The following KCNMB2 variants were observed in gnomAD, a reference collection of about 807,000 sequenced individuals.
KCNMB2 encodes calcium-activated potassium channel subunit beta-2.
A neutral mutation model predicts 24.5 loss-of-function variants in KCNMB2; 9 were observed. That is an observed-to-expected ratio of 0.37 (90% CI 0.22 to 0.64). The LOEUF is 0.64. KCNMB2 is among the 30% of genes least tolerant of loss of function. KCNMB2 has a pLI of 0.63. For missense variants in KCNMB2, 226 were observed against 284.3 expected, an observed-to-expected ratio of 0.79 and a Z score of 1.47; for synonymous variants, 109 against 104.4, an observed-to-expected ratio of 1.04 and a Z score of -0.27.
At chr3:178,670,385 G>A (rs1018587380) in intron 1 of KCNMB2, among the ~76,000 whole-genome samples, 2 of 149,892 alleles carry the variant, frequency 1.3e-5, no homozygotes, top group African/African-American at 5.0e-5. Context: ...AGAAGCAAAT[G>A]ATATTAAAAC....
At chr3:178,614,266 T>TAC (rs1718607911) in intron 1 of KCNMB2, among the ~76,000 whole-genome samples, 2 of 73,358 alleles carry the variant, frequency 2.7e-5, no homozygotes, top group Non-Finnish European at 5.2e-5. Flanking sequence ...TATATATATA[T>TAC]ATATATATAT....
At chr3:178,633,315 C>G (rs139252203) in intron 1 of KCNMB2, among the ~76,000 whole-genome samples, 1 of 152,198 alleles carries the variant, frequency 6.6e-6, no homozygotes, top group African/African-American at 2.4e-5. Context: ...ACTGCCCTCA[C>G]GGAGGTTCTC....
At chr3:178,731,928 A>G (rs1370899086) in intron 1 of KCNMB2, among the ~76,000 whole-genome samples, 4 of 152,156 alleles carry the variant, frequency 2.6e-5, no homozygotes, top group Non-Finnish European at 5.9e-5. Flanking sequence ...AATCTGATTA[A>G]GCCTGTAGAT....
chr3:178,745,970 C>G (rs1166079212), intron 1 of KCNMB2, among the ~76,000 whole-genome samples: 2 of 152,228 alleles, frequency 1.3e-5, no homozygotes, highest in African/African-American at 4.8e-5. Context: ...GTATCTGTGA[C>G]TTTTCCAGGT....
intron 1 of KCNMB2, among the ~76,000 whole-genome samples, chr3:178,682,056 T>C (rs1459746982): frequency 6.6e-6 from 1 of 152,210 alleles, no homozygotes; most frequent in Non-Finnish European, 1.5e-5. Flanking sequence ...TACAGTTTTC[T>C]AAATGTTCCC....
rs141294594 is a variant in KCNMB2 at position 178,619,462 on chromosome 3, A to G, written c.-68+82751A>G. ...TGAAATTATCAAAGATTTACAGACTATAAATACCAAGAGGATTAAAATGCT... is the reference window on the plus strand; with the variant it reads ...TGAAATTATCAAAGATTTACAGACTGTAAATACCAAGAGGATTAAAATGCT... On this transcript the variant is annotated intron_variant, in intron 1 of 4. Coordinates refer to ENST00000452583, the MANE Select transcript of KCNMB2 (RefSeq NM_181361.3). 2.2e-3 allele frequency among the ~76,000 whole-genome samples: 336 copies of G among 152,318 alleles called. 2 individuals are homozygous for G. Among genetic ancestry groups the G allele is most frequent in the Non-Finnish European group, 7.9e-4 (54 of 68,022 alleles).
At chr3:178,669,028 T>A (rs1720812987) in intron 1 of KCNMB2, among the ~76,000 whole-genome samples, 1 of 152,072 alleles carries the variant, frequency 6.6e-6, no homozygotes, top group African/African-American at 2.4e-5. Context: ...CTGCTTCTTA[T>A]GAGAAGAGAG....
chr3:178,801,173 A>G (rs1713761227), intron 1 of KCNMB2, among the ~76,000 whole-genome samples: 1 of 152,178 alleles, frequency 6.6e-6, no homozygotes, highest in African/African-American at 2.4e-5. Flanking sequence ...AAATAACTAA[A>G]AGAGTAATAA....
intron 1 of KCNMB2, among the ~76,000 whole-genome samples, chr3:178,723,141 T>A (rs1381705638): frequency 1.3e-5 from 2 of 152,138 alleles, no homozygotes; most frequent in African/African-American, 4.8e-5. Flanking sequence ...ATCAGTAATA[T>A]AATAATATAA....
intron 1 of KCNMB2, among the ~76,000 whole-genome samples, chr3:178,772,686 T>A (rs947830580): frequency 6.6e-6 from 1 of 152,236 alleles, no homozygotes; most frequent in Non-Finnish European, 1.5e-5. Context: ...CATACACTGC[T>A]AAATTTCCTA....
chr3:178,839,831 A>G (rs1715363277), intron 4 of KCNMB2, among the ~76,000 whole-genome samples: 1 of 152,116 alleles, frequency 6.6e-6, no homozygotes, highest in Non-Finnish European at 1.5e-5. Context: ...TTGAGATGAG[A>G]CTTGGGTGGA....
intron 1 of KCNMB2, among the ~76,000 whole-genome samples, chr3:178,547,296 G>T (rs1215265656): frequency 6.6e-6 from 1 of 152,142 alleles, no homozygotes; most frequent in Non-Finnish European, 1.5e-5. Flanking sequence ...AAATTACTCA[G>T]TCTCAGGTAT....
At chr3:178,742,795 T>G (rs950041405) in intron 1 of KCNMB2, among the ~76,000 whole-genome samples, 1 of 152,128 alleles carries the variant, frequency 6.6e-6, no homozygotes, top group African/African-American at 2.4e-5. Context: ...CTCACACACC[T>G]TGGAATATTG....
intron 1 of KCNMB2, among the ~76,000 whole-genome samples, chr3:178,560,100 T>TA (rs1386727362): frequency 6.7e-6 from 1 of 148,586 alleles, no homozygotes; most frequent in Non-Finnish European, 1.5e-5. Flanking sequence ...AATTACTTTT[T>TA]ATATATATAT....
intron 1 of KCNMB2, among the ~76,000 whole-genome samples, chr3:178,574,558 G>C (rs1716921740): frequency 6.6e-6 from 1 of 152,116 alleles, no homozygotes; most frequent in Admixed American, 6.6e-5. Flanking sequence ...GAATCTGCCT[G>C]TTTGGCTTAT....
intron 4 of KCNMB2, among the ~76,000 whole-genome samples, chr3:178,831,424 G>T (rs1325653937): frequency 6.6e-6 from 1 of 152,070 alleles, no homozygotes; most frequent in Non-Finnish European, 1.5e-5. Flanking sequence ...AAATTGTTCT[G>T]CCACAAAGAC....
intron 1 of KCNMB2, among the ~76,000 whole-genome samples, chr3:178,602,895 G>A (rs1274419444): frequency 2.0e-5 from 3 of 152,148 alleles, no homozygotes; most frequent in African/African-American, 7.2e-5. Context: ...GCTGGTCTGG[G>A]GACCACATAC....
intron 1 of KCNMB2, among the ~76,000 whole-genome samples, chr3:178,804,933 C>G (rs904981830): frequency 2.0e-5 from 3 of 152,208 alleles, no homozygotes; most frequent in Non-Finnish European, 4.4e-5. Flanking sequence ...ATTCTTATTT[C>G]CTGAAAGTTA....
Position 178,843,184 on chromosome 3 carries a change from C to A in KCNMB2, c.*247C>A. The A allele has an allele frequency of 1.7e-6, 1 of 577,048 alleles. No homozygotes were observed. The highest frequency in any genetic ancestry group is 3.3e-6 in the Non-Finnish European group (1 of 305,786). The allele number at this position is 577,048 out of a possible 1,614,324, so 35.7% of individuals were successfully genotyped here. ...TCTTATTTCTGTACTGGAACTAGTA[C>A]TTTCTTCTCTCATTCCGCCAAAACA... On this transcript the variant is annotated 3_prime_UTR_variant, in exon 5 of 5. Transcript: ENST00000452583.
Sources: gnomAD v4.1 joint callset for allele counts (sites outside exome capture counted in the v4.1 genomes callset) on GRCh38, gnomAD v4.1.1 for gene constraint, MANE v1.5 for transcripts, NCBI Gene and HGNC (gene_info 2026-07-23, HGNC 2026-07-21) for gene names.